LYST: variants seen among roughly 807,000 people sequenced by gnomAD.
The protein encoded by LYST is lysosomal-trafficking regulator.
LYST carries 192 observed loss-of-function variants against 413.6 expected under a neutral mutation model. The ratio of observed to expected loss-of-function variants is 0.46; its 90% CI spans 0.41 to 0.52. LYST has a LOEUF of 0.52. Ranked by LOEUF, LYST falls within the 20% of genes least tolerant of loss-of-function variation. The pLI is 0.00. For synonymous variants in LYST, 1,525 were observed against 1,567.3 expected (o/e 0.97, Z 0.64); for missense variants, 3,815 against 4,499.9 (o/e 0.85, Z 4.35).
chr1:235,712,080 G>A lies in LYST; in HGVS notation c.9902C>T (p.Pro3301Leu). 3 of 1,546,370 alleles carry A rather than the reference G, an allele frequency of 1.9e-6. No individual in the cohort carries two copies. Among genetic ancestry groups the A allele is most frequent in the Non-Finnish European group, 2.6e-6 (3 of 1,141,924 alleles). The change falls in exon 43 of 53, where the codon CCA (proline) becomes CTA (leucine). Residue 3301 changes from proline to leucine, a missense_variant. Transcript: ENST00000389793. ...ACCTTCACGGTTAACTAGGAACTCT[G>A]GAAGATAGAAAAACTCTGGGATAAG... ...KELIPEFFYL[P>L]EFLVNREGFD...
At chr1:235,687,139 C>T (rs1307801141) in intron 47 of LYST, 92 bp from the exon 48 acceptor site, 1 of 905,638 alleles carries the variant, frequency 1.1e-6, no homozygotes, top group Non-Finnish European at 1.7e-6. Context: ...AAAAATACTT[C>T]TACTTTTCTG....
chr1:235,695,559 C>G (rs1047100450), intron 46 of LYST, among the ~76,000 whole-genome samples: 5 of 152,018 alleles, frequency 3.3e-5, no homozygotes, highest in African/African-American at 1.2e-4. Flanking sequence ...ATGCTTAAGT[C>G]CCATAATGCA....
At chr1:235,708,448 G>A (rs1018721820) in intron 44 of LYST, among the ~76,000 whole-genome samples, 1 of 152,194 alleles carries the variant, frequency 6.6e-6, no homozygotes, top group Non-Finnish European at 1.5e-5. Flanking sequence ...GCTCTTGGCT[G>A]TTGTCTGGGA....
At chr1:235,792,742 C>T (rs942735466) in intron 11 of LYST, among the ~76,000 whole-genome samples, 1 of 151,390 alleles carries the variant, frequency 6.6e-6, no homozygotes, top group African/African-American at 2.4e-5. Context: ...CAGCTCACTG[C>T]AACCTTTGCC....
At chr1:235,760,606 A>G (rs897918327) in intron 22 of LYST, among the ~76,000 whole-genome samples, 1 of 152,174 alleles carries the variant, frequency 6.6e-6, no homozygotes, top group Non-Finnish European at 1.5e-5. Flanking sequence ...GGGACTTCAC[A>G]TTCTCAGGCT....
In LYST at chr1:235,800,474, G is replaced by T. The variant is rs139180213; in HGVS notation, c.3940-88C>A. ...ATGTCATAATAAATTCTATGATAGG[G>T]TATCTACTATATATGTATATATGTA... On this transcript the variant is annotated intron_variant, in intron 9 of 52. Transcript: ENST00000389793. The T allele has an allele frequency of 2.9e-4, 227 of 772,218 alleles. No homozygotes were observed. The East Asian group carries it at 5.6e-3, about 19-fold the overall frequency. The allele number at this position is 772,218 out of a possible 1,614,324, so 47.8% of individuals were successfully genotyped here. A position where few individuals can be genotyped will look rare whatever the true frequency, so the allele number is the denominator to read the frequency against.
rs779752831 is a variant in LYST, at chr1:235,697,261, T to C, written c.10386A>G (p.Ser3462=). The C allele has an allele frequency of 1.1e-5, 18 of 1,613,282 alleles. No homozygotes were observed. The highest frequency in any genetic ancestry group is 6.7e-5 in the East Asian group (3 of 44,862). The change falls in exon 46 of 53, where the codon TCA becomes TCG. Residue 3462 remains serine (S), a synonymous_variant. Coordinates refer to ENST00000389793, the MANE Select transcript of LYST (RefSeq NM_000081.4). The part of the protein sequence containing the change: ...VKEITYPSPL[S]WIKGLKWGEY... ...CCCCCCATTTCAAGCCTTTTATCCA[T>C]GACAAAGGACTCTAAAATGAAGAAA...
intron 48 of LYST, among the ~76,000 whole-genome samples, chr1:235,685,245 C>A (rs1383336429): frequency 1.3e-5 from 2 of 152,074 alleles, no homozygotes; most frequent in Non-Finnish European, 2.9e-5. Context: ...TGGGTGTGGG[C>A]CTGTCTTAGA....
At chr1:235,718,583 T>G (rs1042944136) in intron 40 of LYST, among the ~76,000 whole-genome samples, 6 of 152,156 alleles carry the variant, frequency 3.9e-5, no homozygotes, top group Non-Finnish European at 8.8e-5. Context: ...TCTTGAGAAC[T>G]GTCTGAATTA....
rs1572302740 is a variant in LYST at position 235,801,054 on chromosome 1, G to A, written c.3756C>T (p.Ser1252=). Residue 1252 remains serine (S), a synonymous_variant, in exon 9 of 53, where the codon AGC becomes AGT. Coordinates refer to ENST00000389793, the MANE Select transcript of LYST (RefSeq NM_000081.4). ...KSETEGFSAS[S]SPNDLLENLT... is the part of the protein sequence containing the mutation. ...GGTTTTCGAGTAAGTCATTTGGACT[G>A]CTTGATGCACTGAAACCTTCTGTTT... is the stretch of plus-strand genomic sequence containing the variant. 1.2e-6 allele frequency: 2 copies of A among 1,613,088 alleles called. No individual in the cohort carries two copies. The highest frequency in any genetic ancestry group is 4.5e-5 in the East Asian group (2 of 44,796).
intron 2 of LYST, 118 bp from the exon 3 acceptor site, chr1:235,830,542 T>C: frequency 1.3e-6 from 1 of 798,928 alleles, no homozygotes; most frequent in Non-Finnish European, 2.0e-6. Context: ...TTACTGGAAA[T>C]TGGTACTTAA....
chr1:235,878,656 T>C (rs12066873), intron 1 of LYST, among the ~76,000 whole-genome samples: 3,301 of 152,254 alleles, frequency 0.022, 114 homozygotes, highest in African/African-American at 0.075. Flanking sequence ...TAACCTCTCC[T>C]GACTTGTTTC....
intron 1 of LYST, among the ~76,000 whole-genome samples, chr1:235,878,543 A>G (rs1681238423): frequency 6.6e-6 from 1 of 152,062 alleles, no homozygotes; most frequent in South Asian, 2.1e-4. Flanking sequence ...CCTCCTCCAG[A>G]CCTAAAAGCA....
chr1:235,882,967 C>A (rs1215438626), intron 1 of LYST, among the ~76,000 whole-genome samples: 1 of 152,158 alleles, frequency 6.6e-6, no homozygotes, highest in Non-Finnish European at 1.5e-5. Context: ...ATTCTCCCTC[C>A]TCAAATACTC....
At chr1:235,737,914 C>CGAGA in intron 31 of LYST, 2 of 1,160,800 alleles carry the variant, frequency 1.7e-6, no homozygotes, top group Admixed American at 4.4e-5. Context: ...CCGCTGCCGA[C>CGAGA]GAGTCTGGAT....
chr1:235,817,456 A>G (rs1220971295), intron 3 of LYST, among the ~76,000 whole-genome samples: 1 of 152,228 alleles, frequency 6.6e-6, no homozygotes, highest in Non-Finnish European at 1.5e-5. Context: ...CACAATAACA[A>G]ATCAACCTAA....
intron 3 of LYST, among the ~76,000 whole-genome samples, chr1:235,820,963 T>C (rs1403726028): frequency 6.6e-6 from 1 of 152,254 alleles, no homozygotes; most frequent in Non-Finnish European, 1.5e-5. Context: ...GTTTTCTGGA[T>C]GAGTTCTTGG....
chr1:235,675,821 C>T (rs76491622), intron 50 of LYST, among the ~76,000 whole-genome samples: 3,729 of 152,246 alleles, frequency 0.024, 147 homozygotes, highest in African/African-American at 0.085. Flanking sequence ...CTTCTAGTGT[C>T]ACAATTGAAC....
intron 47 of LYST, among the ~76,000 whole-genome samples, chr1:235,687,716 C>T (rs1571997635): frequency 6.6e-6 from 1 of 152,094 alleles, no homozygotes; most frequent in African/African-American, 2.4e-5. Flanking sequence ...TCCTGTCCCA[C>T]CTCCCCCACA....
Sources: allele counts gnomAD v4.1 joint callset (sites outside exome capture counted in the v4.1 genomes callset), GRCh38; gene constraint gnomAD v4.1.1; transcripts MANE v1.5; gene names NCBI Gene and HGNC (gene_info 2026-07-23, HGNC 2026-07-21).